AQR: variants seen among roughly 807,000 people sequenced by gnomAD.
The protein encoded by AQR is aquarius intron-binding spliceosomal factor, also known as RNA helicase aquarius.
Under a neutral mutation model 180.5 loss-of-function variants are expected in AQR, and 61 were observed. The ratio of observed to expected loss-of-function variants is 0.34; its 90% CI spans 0.28 to 0.42. The LOEUF is 0.42. AQR is among the 10% of genes least tolerant of loss of function. The pLI, the probability that AQR is intolerant of heterozygous loss-of-function variation, is 1.00. For synonymous variants in AQR, 551 were observed against 588.8 expected (o/e 0.94, Z 0.93); for missense variants, 1,281 against 1,798.3 (o/e 0.71, Z 5.20).
rs181490269 is a variant in AQR, at chr15:34,932,296, G to A, written c.900+22C>T. ...ATTTAGAAAGTAAAACAATAAATACGTTCAGATACATCAATATTCACCTGG... is the reference window on the plus strand; with the variant it reads ...ATTTAGAAAGTAAAACAATAAATACATTCAGATACATCAATATTCACCTGG... On this transcript the variant is annotated intron_variant, in intron 11 of 34. Coordinates refer to ENST00000156471, the MANE Select transcript of AQR (RefSeq NM_014691.3). The A allele has an allele frequency of 1.3e-4, 203 of 1,556,590 alleles. 1 individual carries two copies. The African/African-American group carries it at 2.5e-3, about 19-fold the overall frequency.
At chr15:34,918,545 T>C (rs1893632163) in intron 14 of AQR, among the ~76,000 whole-genome samples, 167 bp from the exon 15 acceptor site, 1 of 152,180 alleles carries the variant, frequency 6.6e-6, no homozygotes, top group Admixed American at 6.5e-5. Flanking sequence ...AACAAACCAA[T>C]GGTAATGGTC....
At chr15:34,906,443 G>C in intron 18 of AQR, 102 bp downstream of exon 18, 1 of 1,401,560 alleles carries the variant, frequency 7.1e-7, no homozygotes, top group Non-Finnish European at 9.7e-7. Flanking sequence ...AATTTAGTAG[G>C]TAAAAGAACT....
chr15:34,880,315 A>G (rs1189297166), intron 27 of AQR, among the ~76,000 whole-genome samples: 1 of 152,234 alleles, frequency 6.6e-6, no homozygotes, highest in Non-Finnish European at 1.5e-5. Context: ...ACTAAAATAC[A>G]GAAGAGAAAG....
chr15:34,927,242 CTG>C (rs2140490038), intron 12 of AQR, 104 bp from the exon 13 acceptor site: 1 of 628,110 alleles, frequency 1.6e-6, no homozygotes, highest in East Asian at 3.5e-5. Flanking sequence ...TAACGCATTT[CTG>C]TCTCTTATAT....
In AQR at chr15:34,941,470, G is replaced by A. The variant is rs371836538; in HGVS notation, c.541-471C>T. Among the ~76,000 whole-genome samples, 24 of 152,176 alleles carry A rather than the reference G, an allele frequency of 1.6e-4. 6 individuals are homozygous for A. The highest frequency in any genetic ancestry group is 3.9e-4 in the East Asian group (2 of 5,180). ...CCTTATGTTTTCATCCCCATCAACT[G>A]GTGCTTATAAATGAGTCTGCATATC... On this transcript the variant is annotated intron_variant, in intron 7 of 34. Coordinates refer to ENST00000156471, the MANE Select transcript of AQR (RefSeq NM_014691.3).
intron 5 of AQR, 118 bp downstream of exon 5, chr15:34,948,146 T>G (rs891046044): frequency 4.4e-6 from 5 of 1,132,372 alleles, no homozygotes; most frequent in Non-Finnish European, 5.9e-6. Flanking sequence ...TCTCAATATT[T>G]GCTTTATTAC....
intron 10 of AQR, among the ~76,000 whole-genome samples, chr15:34,933,065 G>A (rs1893890632): frequency 6.6e-6 from 1 of 152,216 alleles, no homozygotes; most frequent in African/African-American, 2.4e-5. Flanking sequence ...CCGTGTGTAT[G>A]TTTAAAAGTG....
At chr15:34,908,850 C>T (rs1893457428) in intron 17 of AQR, among the ~76,000 whole-genome samples, 2 of 152,094 alleles carry the variant, frequency 1.3e-5, no homozygotes, top group Admixed American at 1.3e-4. Context: ...TGGGGGTACC[C>T]AGTAAGTTAT....
intron 5 of AQR, among the ~76,000 whole-genome samples, chr15:34,946,585 G>A (rs1894123563): frequency 6.7e-6 from 1 of 148,152 alleles, no homozygotes; most frequent in African/African-American, 2.5e-5. Flanking sequence ...AGGTGGGGGG[G>A]GTCAGCCCCC....
intron 32 of AQR, among the ~76,000 whole-genome samples, chr15:34,863,601 T>C (rs2293125): frequency 0.016 from 2,411 of 152,286 alleles, 33 homozygotes; most frequent in Admixed American, 0.025. Flanking sequence ...TAACATGTTT[T>C]ATCCATGTAT....
intron 32 of AQR, among the ~76,000 whole-genome samples, chr15:34,865,588 T>C (rs373571919): frequency 1.3e-5 from 2 of 152,320 alleles, no homozygotes; most frequent in South Asian, 2.1e-4. Context: ...AAAACAAGTG[T>C]TCACATAAAA....
At position 34,852,752 on chromosome 15, in the gene AQR, T is replaced by C. The variant is rs1428472221; in HGVS notation, c.*4040A>G. The C allele has an allele frequency of 6.6e-6, 1 of 152,220 alleles. No homozygotes were observed. The highest frequency in any genetic ancestry group is 2.4e-5 in the African/African-American group (1 of 41,458). The allele number at this position is 152,220 out of a possible 1,614,324, so 9.4% of individuals were successfully genotyped here. A position where few individuals can be genotyped will look rare whatever the true frequency, so the allele number is the denominator to read the frequency against. On this transcript the variant is annotated 3_prime_UTR_variant, in exon 35 of 35. Transcript: ENST00000156471. The stretch of plus-strand genomic sequence containing the variant: ...CCCAAACTTATCTGACCATAGAACA[T>C]ATTTCTCAGAGTATTTTTCAAGAGT...
rs568979845 is a variant in AQR at position 34,948,197 on chromosome 15, G to C, written c.330+67C>G. The C allele has an allele frequency of 2.0e-4, 305 of 1,552,328 alleles. 2 individuals are homozygous for C. In the Middle Eastern group the frequency reaches 2.2e-3, roughly 11 times the overall value. ...TCTAAAAGCACCACTATCAGTAAAA[G>C]TTCTGCCACTTTGTAATGGCTTATG... On this transcript the variant is annotated intron_variant, in intron 5 of 34. Coordinates refer to ENST00000156471, the MANE Select transcript of AQR (RefSeq NM_014691.3).
At chr15:34,934,662 G>T in intron 9 of AQR, 27 bp from the exon 10 acceptor site, 1 of 1,482,890 alleles carries the variant, frequency 6.7e-7, no homozygotes, top group South Asian at 1.4e-5. Context: ...ACGCATGATA[G>T]AATTTCCTTA....
In AQR at chr15:34,859,292, T is replaced by C. The variant is rs1056039067; in HGVS notation, c.4143+750A>G. Among the ~76,000 whole-genome samples the C allele has an allele frequency of 6.6e-5, 10 of 152,154 alleles. No individual in the cohort carries two copies. The East Asian group carries it at 9.7e-4, about 15-fold the overall frequency. On this transcript the variant is annotated intron_variant, in intron 34 of 34. Coordinates refer to ENST00000156471, the MANE Select transcript of AQR (RefSeq NM_014691.3). ...GATATACAGATGGCAAATGACCACA[T>C]GAAAAGATGCTCATCATCAGTCCTT... is the stretch of plus-strand genomic sequence containing the variant.
At chr15:34,950,165 C>T (rs1403546134) in intron 4 of AQR, among the ~76,000 whole-genome samples, 72 of 143,690 alleles carry the variant, frequency 5.0e-4, no homozygotes, top group Middle Eastern at 7.5e-3. Context: ...TCCCGGCTCA[C>T]TGCAACCTCT....
rs547098125 is a variant in AQR at position 34,910,765 on chromosome 15, A to G, written c.1485-452T>C. On this transcript the variant is annotated intron_variant, in intron 16 of 34. Coordinates refer to ENST00000156471, the MANE Select transcript of AQR (RefSeq NM_014691.3). ...TGTTTTAAACTATGTATACACTGTG[A>G]TATCATTACCAACACAGTTAGCATT... Among the ~76,000 whole-genome samples the G allele has an allele frequency of 2.6e-5, 4 of 152,346 alleles. No homozygotes were observed. The East Asian group carries it at 5.8e-4, about 22-fold the overall frequency.
rs371311241 is a variant in AQR at position 34,899,715 on chromosome 15, T to G, written c.2243+907A>C. Among the ~76,000 whole-genome samples the G allele has an allele frequency of 1.4e-4, 22 of 152,044 alleles. No individual in the cohort carries two copies. The East Asian group carries it at 3.1e-3, about 21-fold the overall frequency. ...ATATACAGTTGAAAGCTGTGTGTTT[T>G]CTAATTTCTAGGCAAGAAAGTAATC... On this transcript the variant is annotated intron_variant, in intron 20 of 34. Coordinates refer to ENST00000156471, the MANE Select transcript of AQR (RefSeq NM_014691.3).
chr15:34,859,961 A>G (rs1393177761), intron 34 of AQR, 81 bp downstream of exon 34: 2 of 578,722 alleles, frequency 3.5e-6, no homozygotes, highest in African/African-American at 3.9e-5. Context: ...ACAAGGAATT[A>G]GGTACTTTAA....
Sources: gnomAD v4.1 joint callset for allele counts (sites outside exome capture counted in the v4.1 genomes callset) on GRCh38, gnomAD v4.1.1 for gene constraint, MANE v1.5 for transcripts, NCBI Gene and HGNC (gene_info 2026-07-23, HGNC 2026-07-21) for gene names.